BAZ1B: variants seen among roughly 807,000 people sequenced by gnomAD.
BAZ1B encodes bromodomain adjacent to zinc finger domain 1B, also known as tyrosine-protein kinase BAZ1B.
Under a neutral mutation model 153.8 loss-of-function variants are expected in BAZ1B, and 22 were observed. The observed-to-expected ratio is 0.14, with a 90% CI of 0.10 to 0.20. The LOEUF (loss-of-function observed/expected upper bound fraction) is 0.20. BAZ1B is among the 10% of genes least tolerant of loss of function. The pLI is 1.00. For synonymous variants in BAZ1B, 676 were observed against 633.4 expected (o/e 1.07, Z -1.01); for missense variants, 1,325 against 1,799.3 (o/e 0.74, Z 4.77).
chr7:73,504,689 A>C (rs782678811), intron 3 of BAZ1B, among the ~76,000 whole-genome samples: 8 of 151,926 alleles, frequency 5.3e-5, no homozygotes, highest in Non-Finnish European at 1.2e-4. Flanking sequence ...TTAGCTAGGC[A>C]TGGTTTTGAG....
chr7:73,515,346 C>T (rs1159863101), intron 1 of BAZ1B, among the ~76,000 whole-genome samples: 3 of 152,070 alleles, frequency 2.0e-5, no homozygotes, highest in Non-Finnish European at 4.4e-5. Context: ...ATGTACCTCC[C>T]CTCTTCATTA....
chr7:73,505,775 T>C (rs1790313295), intron 3 of BAZ1B, among the ~76,000 whole-genome samples: 1 of 152,190 alleles, frequency 6.6e-6, no homozygotes, highest in South Asian at 2.1e-4. Context: ...GGTCTCAAAC[T>C]CCTGACCTCA....
At position 73,476,945 on chromosome 7, in the gene BAZ1B, A is replaced by G; in HGVS notation, c.2516T>C (p.Ile839Thr). ...CAACCTTCTGCTCTTCACAGCACTA[A>G]TCATGTCTTCAGCTTCTGTATCTAC... ...PQVDTEAEDM[I>T]SAVKSRRLLA... is the part of the protein sequence containing the mutation. The change falls in exon 7 of 20, where the codon ATT (isoleucine) becomes ACT (threonine). Residue 839 changes from isoleucine to threonine, a missense_variant. By Grantham distance (89) the Ile-to-Thr change is moderately conservative (BLOSUM62 -1). Transcript: ENST00000339594. 6.2e-7 allele frequency: 1 copy of G among 1,614,108 alleles called. No individual in the cohort carries two copies. Among genetic ancestry groups the G allele is most frequent in the Non-Finnish European group, 8.5e-7 (1 of 1,180,026 alleles).
chr7:73,473,518 A>C (rs1554572342), intron 7 of BAZ1B, among the ~76,000 whole-genome samples: 1 of 152,098 alleles, frequency 6.6e-6, no homozygotes, highest in Non-Finnish European at 1.5e-5. Flanking sequence ...GCACCATTGC[A>C]CTCCAGCCTG....
At chr7:73,443,220 A>G (rs2116211635) in intron 17 of BAZ1B, among the ~76,000 whole-genome samples, 1 of 152,338 alleles carries the variant, frequency 6.6e-6, no homozygotes, top group East Asian at 1.9e-4. Context: ...AGAAAGCAAA[A>G]CATGCTATCT....
chr7:73,463,205 C>A (rs1788456005), intron 11 of BAZ1B, 106 bp from the exon 12 acceptor site: 5 of 962,044 alleles, frequency 5.2e-6, no homozygotes, highest in East Asian at 2.5e-5. Context: ...TTACTTAGAT[C>A]TCTTTCACCT....
At chr7:73,472,263 T>C (rs1788832948) in intron 7 of BAZ1B, among the ~76,000 whole-genome samples, 1 of 152,114 alleles carries the variant, frequency 6.6e-6, no homozygotes, top group Non-Finnish European at 1.5e-5. Flanking sequence ...CTTTTTTTTT[T>C]TTTCTTTTTT....
Position 73,447,343 on chromosome 7 carries a change from T to G in BAZ1B, c.3765A>C (p.Glu1255Asp), listed in dbSNP as rs1269777514. 2.5e-6 allele frequency: 4 copies of G among 1,613,534 alleles called. No homozygotes were observed. Among genetic ancestry groups the G allele is most frequent in the Non-Finnish European group, 3.4e-6 (4 of 1,179,620 alleles). ...CCTCCTCTTCATCACTCTCATCATC[T>G]TCACTGTCCTCAGAAGCAGACTCTT... Reference protein sequence around the residue: ...YTEESASEDSEDDESDEEEEE... With the variant: ...YTEESASEDSDDDESDEEEEE... The change falls in exon 16 of 20, where the codon GAA becomes GAC. Residue 1255 changes from glutamate to aspartate, a missense_variant. By Grantham distance (45) the Glu-to-Asp change is conservative. Coordinates refer to ENST00000339594, the MANE Select transcript of BAZ1B (RefSeq NM_032408.4).
intron 4 of BAZ1B, among the ~76,000 whole-genome samples, chr7:73,495,112 C>T (rs1350366904): frequency 6.6e-6 from 1 of 152,034 alleles, no homozygotes. Context: ...GGTGAAACCC[C>T]GTCTCTACTA....
chr7:73,449,464 G>C (rs1787953599), intron 15 of BAZ1B, 78 bp downstream of exon 15: 1 of 1,470,618 alleles, frequency 6.8e-7, no homozygotes, highest in East Asian at 2.5e-5. Flanking sequence ...GATTCATTCT[G>C]TTTGAATAAC....
chr7:73,508,230 A>G (rs1790424478), intron 3 of BAZ1B, 97 bp downstream of exon 3: 1 of 1,283,424 alleles, frequency 7.8e-7, no homozygotes, highest in South Asian at 1.6e-5. Context: ...AATACTAAAT[A>G]TAACACAGTT....
At chr7:73,459,892 T>C (rs1252050947) in intron 12 of BAZ1B, among the ~76,000 whole-genome samples, 174 bp from the exon 13 acceptor site, 3 of 152,244 alleles carry the variant, frequency 2.0e-5, no homozygotes, top group Middle Eastern at 6.8e-3. Context: ...GCATGGCTCA[T>C]GCATTTAAAA....
intron 7 of BAZ1B, among the ~76,000 whole-genome samples, chr7:73,476,150 TG>T (rs533251048): frequency 2.0e-3 from 310 of 152,166 alleles, no homozygotes; most frequent in Middle Eastern, 6.8e-3. Flanking sequence ...TGCTCAGGGC[TG>T]GGGAGGATGG....
At chr7:73,495,660 G>C (rs1287718423) in intron 4 of BAZ1B, among the ~76,000 whole-genome samples, 1 of 152,122 alleles carries the variant, frequency 6.6e-6, no homozygotes, top group Non-Finnish European at 1.5e-5. Context: ...ACACAAGAAA[G>C]AAAATGTGGT....
intron 3 of BAZ1B, among the ~76,000 whole-genome samples, chr7:73,506,546 C>T (rs770483086): frequency 2.1e-5 from 3 of 144,734 alleles, no homozygotes; most frequent in Non-Finnish European, 3.0e-5. Flanking sequence ...CTCATTACAG[C>T]GAGGACTTGG....
intron 2 of BAZ1B, among the ~76,000 whole-genome samples, chr7:73,510,212 G>A (rs1156482686): frequency 2.0e-5 from 3 of 152,052 alleles, no homozygotes; most frequent in Non-Finnish European, 4.4e-5. Context: ...GGAGGATCAC[G>A]AGGTCAGGAG....
Position 73,478,509 on chromosome 7 carries a change from A to C in BAZ1B, c.952T>G (p.Ser318Ala), listed in dbSNP as rs1554573223. Residue 318 changes from serine (S) to alanine (A), a missense_variant, in exon 7 of 20, where the codon TCA (serine) becomes GCA (alanine). By Grantham distance (99) the Ser-to-Ala change is moderately conservative. Around this residue, in one of 9 missense-constraint regions of BAZ1B, gnomAD observed 219 missense variants for 248.2 expected, o/e 0.88. Transcript: ENST00000339594. ...GAGTTGTCTGTCTTGGATTTCTTTG[A>C]GGGCTTCCTGTCTGGGGATCCAGTA... The part of the protein sequence containing the change: ...KNTGSPDRKP[S>A]KKSKTDNSSL... 6.3e-7 allele frequency: 1 copy of C among 1,593,368 alleles called. No individual in the cohort carries two copies. Among genetic ancestry groups the C allele is most frequent in the African/African-American group, 1.4e-5 (1 of 73,810 alleles).
At chr7:73,511,096 G>GT (rs1790559458) in intron 1 of BAZ1B, among the ~76,000 whole-genome samples, 1 of 151,242 alleles carries the variant, frequency 6.6e-6, no homozygotes, top group Admixed American at 6.6e-5. Context: ...GTGAAACCCC[G>GT]TGTCTACTAA....
chr7:73,449,266 C>T (rs941003119), intron 15 of BAZ1B, among the ~76,000 whole-genome samples: 3 of 152,042 alleles, frequency 2.0e-5, no homozygotes, highest in Non-Finnish European at 2.9e-5. Context: ...CAACAGGAGG[C>T]TAAAGGCAGA....
Sources: allele counts gnomAD v4.1 joint callset (sites outside exome capture counted in the v4.1 genomes callset), GRCh38; gene constraint gnomAD v4.1.1; regional missense constraint gnomAD v4.1.1; transcripts MANE v1.5; gene names NCBI Gene and HGNC (gene_info 2026-07-23, HGNC 2026-07-21).